Variants in TRMT2A observed in about 807,000 individuals in gnomAD.
TRMT2A encodes the protein tRNA (uracil-5-)-methyltransferase homolog A.
A neutral mutation model predicts 59.3 loss-of-function variants in TRMT2A; 60 were observed. The observed-to-expected ratio is 1.01, with a 90% confidence interval of 0.82 to 1.26. TRMT2A has a LOEUF of 1.26. Among genes scored for constraint, TRMT2A ranks in the 50% most tolerant of loss-of-function variants. The pLI is 0.00. For synonymous variants in TRMT2A, 403 were observed against 353.7 expected (o/e 1.14, Z -1.56); for missense variants, 863 against 845.2 (o/e 1.02, Z -0.26).
chr22:20,113,100 T>G lies in TRMT2A; in HGVS notation c.1549+18A>C, dbSNP rs1568968806. 1 of 1,608,602 alleles carries G rather than the reference T, an allele frequency of 6.2e-7. No homozygotes were observed. The highest frequency in any genetic ancestry group is 8.5e-7 in the Non-Finnish European group (1 of 1,176,566). On this transcript the variant is annotated intron_variant, in intron 10 of 11. Coordinates refer to ENST00000252136, the MANE Select transcript of TRMT2A (RefSeq NM_022727.6). Reference sequence around the variant, plus strand: ...TGTCCTCGTTCCCGTGCCACCTCCTTAAGCAAAAGCCACTCACGCAAGCCA... The same window carrying G: ...TGTCCTCGTTCCCGTGCCACCTCCTGAAGCAAAAGCCACTCACGCAAGCCA...
At chr22:20,113,654 G>C (rs376015817) in intron 8 of TRMT2A, 32 bp downstream of exon 8, 3 of 1,590,548 alleles carry the variant, frequency 1.9e-6, no homozygotes, top group African/African-American at 1.3e-5. Context: ...GGGGTGGGGA[G>C]AGGGTGCCCT....
chr22:20,113,356 C>CT, intron 9 of TRMT2A, 76 bp downstream of exon 9: 2 of 1,549,668 alleles, frequency 1.3e-6, no homozygotes, highest in Non-Finnish European at 8.8e-7. Context: ...CCCCCAAGCC[C>CT]TGGCTGTGGC....
At chr22:20,113,399 A>AGCCCCCCCCCCCCCC in intron 9 of TRMT2A, 33 bp downstream of exon 9, 3 of 713,636 alleles carry the variant, frequency 4.2e-6, no homozygotes, top group Non-Finnish European at 7.1e-6. Context: ...GGCTGCCCCC[A>AGCCCCCCCCCCCCCC]TCCCCACCCC....
chr22:20,116,639 G>A (rs762366739), intron 1 of TRMT2A, 27 bp from the exon 2 acceptor site: 3 of 1,521,926 alleles, frequency 2.0e-6, no homozygotes, highest in African/African-American at 1.4e-5. Context: ...GGGGTGCTAG[G>A]GTGAGGACTA....
In TRMT2A at chr22:20,116,881, A is replaced by C. The variant is rs374765953; in HGVS notation, c.24+2T>G. The C allele has an allele frequency of 1.3e-6, 2 of 1,593,302 alleles. No homozygotes were observed. Among genetic ancestry groups the C allele is most frequent in the South Asian group, 1.1e-5 (1 of 88,886 alleles). ...TCTACCCAGCGTCTCCCCGCACTCT[A>C]CCTCGTTGTCGAGGTTCTCACTCAT... On this transcript the variant is annotated splice_donor_variant, in intron 1 of 11. Coordinates refer to ENST00000252136, the MANE Select transcript of TRMT2A (RefSeq NM_022727.6). LOFTEE classifies it high-confidence loss of function.
Position 20,116,617 on chromosome 22 carries a change from G to T in TRMT2A, c.25-5C>A. 1.3e-6 allele frequency: 2 copies of T among 1,532,444 alleles called. No homozygotes were observed. The highest frequency in any genetic ancestry group is 1.3e-5 in the South Asian group (1 of 79,728). 94.9% of individuals were successfully genotyped at this position (1,532,444 alleles called of 1,614,324 possible). On this transcript the variant is annotated splice_polypyrimidine_tract_variant and splice_region_variant and intron_variant, in intron 1 of 11. Coordinates refer to ENST00000252136, the MANE Select transcript of TRMT2A (RefSeq NM_022727.6). ...GCTCTCCATGGGCTTCGGGCCCTGTGTGGGGACAGATGGGGTGCTAGGGTG... is the reference window on the plus strand; with the variant it reads ...GCTCTCCATGGGCTTCGGGCCCTGTTTGGGGACAGATGGGGTGCTAGGGTG...
At position 20,114,605 on chromosome 22, in the gene TRMT2A, G is replaced by T; in HGVS notation, c.1202C>A (p.Thr401Asn). The change falls in exon 7 of 12, where the codon ACC (threonine) becomes AAC (asparagine). Residue 401 changes from threonine to asparagine, a missense_variant. Thr to Asn is a moderately conservative substitution (Grantham distance 65). Transcript: ENST00000252136. The part of the protein sequence containing the change: ...RCIHEDLLGL[T>N]FRISPHAFFQ... ...GAAGGCGTGTGGAGAGATCCGGAAG[G>T]TCAGCCCTAGCAGGTCCTCGTGGAT... 1 of 1,613,764 alleles carries T rather than the reference G, an allele frequency of 6.2e-7. No individual in the cohort carries two copies. The highest frequency in any genetic ancestry group is 8.5e-7 in the Non-Finnish European group (1 of 1,179,996).
intron 4 of TRMT2A, 37 bp from the exon 5 acceptor site, chr22:20,115,116 T>G: frequency 1.3e-6 from 2 of 1,569,812 alleles, no homozygotes; most frequent in South Asian, 1.1e-5. Flanking sequence ...TGCCCACAAC[T>G]GGGCAAGCAG....
At chr22:20,113,953 C>T (rs747861332) in intron 7 of TRMT2A, 145 bp from the exon 8 acceptor site, 3 of 1,170,260 alleles carry the variant, frequency 2.6e-6, no homozygotes, top group Non-Finnish European at 3.5e-6. Context: ...TTCCCTGACC[C>T]CACCTTGGAC....
intron 2 of TRMT2A, 88 bp from the exon 3 acceptor site, chr22:20,115,868 C>T (rs540431198): frequency 3.1e-5 from 44 of 1,431,556 alleles, no homozygotes; most frequent in Non-Finnish European, 4.0e-5. Context: ...GCTCCTGACC[C>T]CTCCTTTGGG....
In TRMT2A at chr22:20,112,943, G is replaced by C. The variant is rs149511907; in HGVS notation, c.1614C>G (p.Cys538Trp). The part of the protein sequence containing the change: ...KNLRRLLYVS[C>W]NPRAAMGNFV... ...AGTTGCCCATGGCTGCCCGGGGGTTGCATGAGACGTACAGCAGCCGCCTGA... is the reference window on the plus strand; with the variant it reads ...AGTTGCCCATGGCTGCCCGGGGGTTCCATGAGACGTACAGCAGCCGCCTGA... Residue 538 changes from cysteine to tryptophan, a missense_variant, in exon 11 of 12, where the codon TGC becomes TGG. Physicochemically the swap from Cys to Trp is radical, Grantham distance 215 (BLOSUM62 -2). Transcript: ENST00000252136. The C allele has an allele frequency of 1.7e-5, 28 of 1,613,702 alleles. No homozygotes were observed. The highest frequency in any genetic ancestry group is 2.3e-5 in the Non-Finnish European group (27 of 1,180,024).
At position 20,115,444 on chromosome 22, in the gene TRMT2A, C is replaced by T; in HGVS notation, c.712G>A (p.Glu238Lys). ...EGVRPSPQQTEYRNKCEFLVG... is the reference protein window; with the variant it reads ...EGVRPSPQQTKYRNKCEFLVG... The stretch of plus-strand genomic sequence containing the variant: ...AGAAACTCACACTTATTACGATACT[C>T]AGTCTGCAGGGAGAGAGAGCTGCAC... Residue 238 changes from glutamate (E) to lysine (K), a missense_variant, in exon 4 of 12, where the codon GAG (glutamate) becomes AAG (lysine). Coordinates refer to ENST00000252136, the MANE Select transcript of TRMT2A (RefSeq NM_022727.6). 1 of 1,606,274 alleles carries T rather than the reference C, an allele frequency of 6.2e-7. No homozygotes were observed. Among genetic ancestry groups the T allele is most frequent in the Non-Finnish European group, 8.5e-7 (1 of 1,176,598 alleles).
chr22:20,117,219 G>C lies in TRMT2A; in HGVS notation c.-313C>G. Reference sequence around the variant, plus strand: ...CCAGCGCGTGCGGCGGAGGCCGAGCGTCTCTATGATCCTGGCTTCTGGCAA... The same window carrying C: ...CCAGCGCGTGCGGCGGAGGCCGAGCCTCTCTATGATCCTGGCTTCTGGCAA... On this transcript the variant is annotated 5_prime_UTR_variant, in exon 1 of 12. Coordinates refer to ENST00000252136, the MANE Select transcript of TRMT2A (RefSeq NM_022727.6). The C allele has an allele frequency of 1.8e-6, 1 of 544,274 alleles. No homozygotes were observed. Among genetic ancestry groups the C allele is most frequent in the Non-Finnish European group, 3.0e-6 (1 of 332,436 alleles). The allele number at this position is 544,274 out of a possible 1,614,324, so 33.7% of individuals were successfully genotyped here.
At position 20,117,090 on chromosome 22, in the gene TRMT2A, C is replaced by T; in HGVS notation, c.-184G>A. On this transcript the variant is annotated 5_prime_UTR_variant, in exon 1 of 12. Coordinates refer to ENST00000252136, the MANE Select transcript of TRMT2A (RefSeq NM_022727.6). ...CGGCTTCGCCCCAGGCGGGGCGGGA[C>T]TCGAACCTGCGATGCTCAGGTCCGG... 1.3e-6 allele frequency: 1 copy of T among 765,700 alleles called. No individual in the cohort carries two copies. Among genetic ancestry groups the T allele is most frequent in the Non-Finnish European group, 2.1e-6 (1 of 477,246 alleles). 47.4% of individuals were successfully genotyped at this position (765,700 alleles called of 1,614,324 possible).
Position 20,114,818 on chromosome 22 carries a change from G to A in TRMT2A, c.1064C>T (p.Ala355Val). 1.9e-6 allele frequency: 3 copies of A among 1,608,726 alleles called. No homozygotes were observed. Among genetic ancestry groups the A allele is most frequent in the Non-Finnish European group, 1.7e-6 (2 of 1,178,776 alleles). Reference sequence around the variant, plus strand: ...CACTCCACTGGCCCTGCCTGGCCCTGCTGTGAAGTGCTGCGCTAGGGAGGT... The same window carrying A: ...CACTCCACTGGCCCTGCCTGGCCCTACTGTGAAGTGCTGCGCTAGGGAGGT... Reference protein sequence around the residue: ...LKTSLAQHFTAGPGRASGVTC... With the variant: ...LKTSLAQHFTVGPGRASGVTC... Residue 355 changes from alanine to valine, a missense_variant, in exon 6 of 12, where the codon GCA becomes GTA. Physicochemically the swap from Ala to Val is moderately conservative, Grantham distance 64. Coordinates refer to ENST00000252136, the MANE Select transcript of TRMT2A (RefSeq NM_022727.6).
rs1215901998 is a variant in TRMT2A at position 20,116,776 on chromosome 22, C to T, written c.24+107G>A. 33 of 1,462,944 alleles carry T rather than the reference C, an allele frequency of 2.3e-5. 1 individual carries two copies. The allele number at this position is 1,462,944 out of a possible 1,614,324, so 90.6% of individuals were successfully genotyped here. A position where few individuals can be genotyped will look rare whatever the true frequency, so the allele number is the denominator to read the frequency against. ...ACCCCATTCCCGTCTCCTTTCCTCC[C>T]CTATCGCACCTGCCTCGTCCCCACC... On this transcript the variant is annotated intron_variant, in intron 1 of 11. Coordinates refer to ENST00000252136, the MANE Select transcript of TRMT2A (RefSeq NM_022727.6).
Position 20,113,117 on chromosome 22 carries a change from C to A in TRMT2A, c.1549+1G>T, listed in dbSNP as rs139916507. The A allele has an allele frequency of 1.9e-6, 3 of 1,605,008 alleles. No homozygotes were observed. The highest frequency in any genetic ancestry group is 1.7e-6 in the Non-Finnish European group (2 of 1,174,476). On this transcript the variant is annotated splice_donor_variant, in intron 10 of 11. Transcript: ENST00000252136. LOFTEE classifies it high-confidence loss of function. ...CACCTCCTTAAGCAAAAGCCACTCA[C>A]GCAAGCCAGCACGGGGTGGGTCCAG... is the stretch of plus-strand genomic sequence containing the variant.
intron 4 of TRMT2A, 41 bp downstream of exon 4, chr22:20,115,225 A>G (rs750697772): frequency 1.3e-6 from 2 of 1,591,052 alleles, no homozygotes; most frequent in South Asian, 1.1e-5. Flanking sequence ...CTGCTCCCAC[A>G]CCGCATAGGA....
chr22:20,115,943 C>T (rs1285325211), intron 2 of TRMT2A, 95 bp downstream of exon 2: 13 of 1,457,260 alleles, frequency 8.9e-6, no homozygotes, highest in Non-Finnish European at 1.2e-5. Flanking sequence ...CCGCCAGATC[C>T]TGTGCTGGGC....
Sources: gnomAD v4.1 joint callset for allele counts on GRCh38, gnomAD v4.1.1 for gene constraint, MANE v1.5 for transcripts, NCBI Gene and HGNC (gene_info 2026-07-23, HGNC 2026-07-21) for gene names.